The following PSMD2 variants were observed in gnomAD, a reference collection of about 807,000 sequenced individuals.
PSMD2 encodes proteasome 26S subunit ubiquitin receptor, non-ATPase 2.
PSMD2 carries 8 observed loss-of-function variants against 101.5 expected under a neutral mutation model. The observed-to-expected ratio is 0.08, with a 90% CI of 0.05 to 0.14. The LOEUF is 0.14. Ranked by LOEUF, PSMD2 falls within the 10% of genes least tolerant of loss-of-function variation. The pLI is 1.00. For synonymous variants in PSMD2, 418 were observed against 433.8 expected, an observed-to-expected ratio of 0.96 and a Z score of 0.45; for missense variants, 784 against 1,147.4, an observed-to-expected ratio of 0.68 and a Z score of 4.58.
chr3:184,302,339 T>C (rs1389820368), intron 5 of PSMD2, 31 bp from the exon 6 acceptor site: 4 of 1,602,140 alleles, frequency 2.5e-6, no homozygotes, highest in Middle Eastern at 2.0e-4. Context: ...CCTGGGACTT[T>C]CTGAATTCTT....
chr3:184,300,267 G>A lies in PSMD2; in HGVS notation c.193-13G>A, dbSNP rs1405787882. 21 of 1,607,360 alleles carry A rather than the reference G, an allele frequency of 1.3e-5. No homozygotes were observed. The highest frequency in any genetic ancestry group is 1.8e-5 in the Non-Finnish European group (21 of 1,176,770). On this transcript the variant is annotated splice_polypyrimidine_tract_variant and intron_variant, in intron 2 of 20. Coordinates refer to ENST00000310118, the MANE Select transcript of PSMD2 (RefSeq NM_002808.5). ...GACTCCTTTTTGTCTGAGCCCTGTC[G>A]TCTCTTGATCAGGAGAAGGATACAT...
At chr3:184,302,624 T>A (rs1577156806) in intron 6 of PSMD2, 55 bp from the exon 7 acceptor site, 2 of 1,612,112 alleles carry the variant, frequency 1.2e-6, no homozygotes, top group Admixed American at 3.3e-5. Flanking sequence ...GCTTGAGGGG[T>A]TTTCCTGTGC....
At chr3:184,307,836 G>A in intron 18 of PSMD2, 54 bp from the exon 19 acceptor site, 1 of 1,612,462 alleles carries the variant, frequency 6.2e-7, no homozygotes, top group Non-Finnish European at 8.5e-7. Context: ...GCTGGGTTAG[G>A]CGATGTCTCC....
intron 16 of PSMD2, among the ~76,000 whole-genome samples, chr3:184,307,125 A>G (rs1721859110): frequency 1.3e-5 from 2 of 151,882 alleles, no homozygotes; most frequent in Admixed American, 6.6e-5. Flanking sequence ...TTGTATTTTT[A>G]GTAGAGACAG....
chr3:184,307,920 A>C lies in PSMD2; in HGVS notation c.2329A>C (p.Thr777Pro), dbSNP rs770720324. The change falls in exon 19 of 21, where the codon ACC becomes CCC. Residue 777 changes from threonine (T) to proline (P), a missense_variant. Thr to Pro is a conservative substitution (Grantham distance 38). Around this residue, in one of 6 missense-constraint regions of PSMD2, gnomAD observed 282 missense variants for 437.6 expected, o/e 0.64. Transcript: ENST00000310118. ...GACACATTTAGGGAAGGGCACCCTT[A>C]CCCTCTGCCCCTACCACAGCGACCG... Reference protein sequence around the residue: ...GLTHLGKGTLTLCPYHSDRQL... With the variant: ...GLTHLGKGTLPLCPYHSDRQL... 1.2e-6 allele frequency: 2 copies of C among 1,613,744 alleles called. No homozygotes were observed. The highest frequency in any genetic ancestry group is 1.7e-6 in the Non-Finnish European group (2 of 1,179,974).
chr3:184,306,050 G>A lies in PSMD2; in HGVS notation c.1703-4G>A. 6.2e-7 allele frequency: 1 copy of A among 1,614,228 alleles called. No individual in the cohort carries two copies. Among genetic ancestry groups the A allele is most frequent in the South Asian group, 1.1e-5 (1 of 91,086 alleles). On this transcript the variant is annotated splice_polypyrimidine_tract_variant and splice_region_variant and intron_variant, in intron 13 of 20. Coordinates refer to ENST00000310118, the MANE Select transcript of PSMD2 (RefSeq NM_002808.5). ...TCCTCTGACCCCTTGAATCTGTCCT[G>A]TAGGGAAGGGTGAGGCCATCGAGGC... is the stretch of plus-strand genomic sequence containing the variant.
Position 184,303,143 on chromosome 3 carries a change from G to A in PSMD2, c.1069+81G>A, listed in dbSNP as rs985876410. 38 of 1,531,684 alleles carry A rather than the reference G, an allele frequency of 2.5e-5. No individual in the cohort carries two copies. The African/African-American group carries it at 3.7e-4, about 15-fold the overall frequency. The allele number at this position is 1,531,684 out of a possible 1,614,324, so 94.9% of individuals were successfully genotyped here. ...TTGGGAGTGATGGCTTGGCCAACAT[G>A]CTTATCCTATCGAGCTCAGAATCCT... On this transcript the variant is annotated intron_variant, in intron 8 of 20. Transcript: ENST00000310118.
chr3:184,307,190 GC>G (rs1221615895), intron 16 of PSMD2, among the ~76,000 whole-genome samples, 166 bp from the exon 17 acceptor site: 2 of 152,032 alleles, frequency 1.3e-5, no homozygotes, highest in African/African-American at 4.8e-5. Flanking sequence ...TGATCCACCT[GC>G]CTCGGCCTCC....
rs73887452 is a variant in PSMD2, at chr3:184,304,529, C to T, written c.1539+138C>T. On this transcript the variant is annotated intron_variant, in intron 12 of 20. Coordinates refer to ENST00000310118, the MANE Select transcript of PSMD2 (RefSeq NM_002808.5). This position sits in a 1 kb window ranked among gnomAD's most constrained non-coding sequence, Gnocchi z 4.1. The stretch of plus-strand genomic sequence containing the variant: ...ATGCCTGTTGGTGTGTATTGAGGGG[C>T]GTCACCTCAGTGAAACCCCTTGATC... The T allele has an allele frequency of 3.0e-3, 2,552 of 844,480 alleles. 37 individuals are homozygous for T. In the African/African-American group the frequency reaches 0.037, roughly 12 times the overall value. The allele number at this position is 844,480 out of a possible 1,614,324, so 52.3% of individuals were successfully genotyped here. A position where few individuals can be genotyped will look rare whatever the true frequency, so the allele number is the denominator to read the frequency against.
intron 1 of PSMD2, 90 bp from the exon 2 acceptor site, chr3:184,299,761 C>A: frequency 1.8e-6 from 2 of 1,091,028 alleles, no homozygotes; most frequent in Non-Finnish European, 2.8e-6. Flanking sequence ...CCTAAGGAGG[C>A]AGGCTTATTC....
Position 184,301,860 on chromosome 3 carries a change from G to A in PSMD2, c.493G>A (p.Glu165Lys). 6.2e-7 allele frequency: 1 copy of A among 1,614,232 alleles called. No homozygotes were observed. The highest frequency in any genetic ancestry group is 8.5e-7 in the Non-Finnish European group (1 of 1,180,052). ...GHEYVRHLAGEVAKEWQELDD... is the reference protein window; with the variant it reads ...GHEYVRHLAGKVAKEWQELDD... ...GACTATCTGTAGGCATCTGGCAGGA[G>A]AAGTGGCTAAGGAGTGGCAGGAGCT... The change falls in exon 5 of 21, where the codon GAA (glutamate) becomes AAA (lysine). Residue 165 changes from glutamate (E) to lysine (K), a missense_variant. By Grantham distance (56) the Glu-to-Lys change is moderately conservative. This residue lies in a region of PSMD2 where 208 missense variants were observed against 301.6 expected (regional missense o/e 0.69). Transcript: ENST00000310118.
At position 184,301,638 on chromosome 3, in the gene PSMD2, A is replaced by G. The variant is rs533293384; in HGVS notation, c.459A>G (p.Ser153=). 4 of 1,614,174 alleles carry G rather than the reference A, an allele frequency of 2.5e-6. No individual in the cohort carries two copies. The highest frequency in any genetic ancestry group is 2.2e-5 in the South Asian group (2 of 91,086). The change falls in exon 4 of 21, where the codon TCA becomes TCG. Residue 153 remains serine (S), a synonymous_variant. Coordinates refer to ENST00000310118, the MANE Select transcript of PSMD2 (RefSeq NM_002808.5). The part of the protein sequence containing the change: ...RLVGSQEELA[S]WGHEYVRHLA... Reference sequence around the variant, plus strand: ...TGGGCTCCCAGGAGGAATTGGCATCATGGGGTCATGAGTATGTCAGGTAAG... The same window carrying G: ...TGGGCTCCCAGGAGGAATTGGCATCGTGGGGTCATGAGTATGTCAGGTAAG...
chr3:184,302,535 A>G lies in PSMD2; in HGVS notation c.863+7A>G. The G allele has an allele frequency of 6.2e-7, 1 of 1,613,818 alleles. No homozygotes were observed. The highest frequency in any genetic ancestry group is 8.5e-7 in the Non-Finnish European group (1 of 1,179,792). On this transcript the variant is annotated splice_region_variant and intron_variant, in intron 6 of 20. Transcript: ENST00000310118. ...TCACCTCCTGCAAGGATGTGTATGT[A>G]GGGAAGAAGCTGGCAAAGAGATAAG...
intron 5 of PSMD2, 41 bp downstream of exon 5, chr3:184,302,112 C>G (rs377047559): frequency 2.5e-6 from 4 of 1,580,822 alleles, no homozygotes; most frequent in African/African-American, 2.7e-5. Context: ...GCATGCCCTC[C>G]TCAGCACCTC....
At position 184,299,584 on chromosome 3, in the gene PSMD2, C is replaced by T. The variant is rs561691534; in HGVS notation, c.135+183C>T. 87 of 909,108 alleles carry T rather than the reference C, an allele frequency of 9.6e-5. No homozygotes were observed. The African/African-American group carries it at 1.3e-3, about 13-fold the overall frequency. The allele number at this position is 909,108 out of a possible 1,614,324, so 56.3% of individuals were successfully genotyped here. On this transcript the variant is annotated intron_variant, in intron 1 of 20. Transcript: ENST00000310118. ...ATTCTCCGTTCCGCGCTGTCACCTC[C>T]GCCGTCCCCACCAACCCTCACCACC...
intron 13 of PSMD2, 22 bp from the exon 14 acceptor site, chr3:184,306,032 A>G: frequency 6.2e-7 from 1 of 1,613,988 alleles, no homozygotes; most frequent in Non-Finnish European, 8.5e-7. Context: ...GTATCCTCTG[A>G]CCCCTTGAAT....
intron 5 of PSMD2, 119 bp downstream of exon 5, chr3:184,302,190 T>A (rs972555585): frequency 8.0e-7 from 1 of 1,248,528 alleles, no homozygotes; most frequent in African/African-American, 1.5e-5. Context: ...CTGTAGTTAA[T>A]CTTTTGATGT....
chr3:184,307,856 ACTC>A, intron 18 of PSMD2, 31 bp from the exon 19 acceptor site: 1 of 1,613,238 alleles, frequency 6.2e-7, no homozygotes. Context: ...CTCAGTGGTA[ACTC>A]CTCACCTCTA....
chr3:184,303,879 C>T, intron 10 of PSMD2, 68 bp from the exon 11 acceptor site: 2 of 1,611,704 alleles, frequency 1.2e-6, no homozygotes. Context: ...GCAGTGAGGC[C>T]CATGTTGCAT....
Sources: gnomAD v4.1 joint callset for allele counts (sites outside exome capture counted in the v4.1 genomes callset) on GRCh38, gnomAD v4.1.1 for gene constraint, gnomAD v4.1.1 regional missense constraint, Gnocchi (gnomAD v3.1) non-coding constraint, MANE v1.5 for transcripts, NCBI Gene and HGNC (gene_info 2026-07-23, HGNC 2026-07-21) for gene names.